CDH11: variants seen among roughly 807,000 people sequenced by gnomAD.
The protein encoded by CDH11 is cadherin 11.
Under a neutral mutation model 67.8 loss-of-function variants are expected in CDH11, and 11 were observed. The ratio of observed to expected loss-of-function variants is 0.16; its 90% CI spans 0.10 to 0.27. The LOEUF (loss-of-function observed/expected upper bound fraction) is 0.27, where lower values mean the gene tolerates loss of function less well. Ranked by LOEUF, CDH11 falls within the 10% of genes least tolerant of loss-of-function variation. The probability of loss-of-function intolerance (pLI) is 1.00; values close to 1 mark genes in which losing one functional copy is unlikely to be tolerated. For missense variants in CDH11, 847 were observed against 1,031.2 expected, an observed-to-expected ratio of 0.82 and a Z score of 2.45; for synonymous variants, 419 against 400.0, an observed-to-expected ratio of 1.05 and a Z score of -0.57.
intron 2 of CDH11, among the ~76,000 whole-genome samples, chr16:65,027,317 G>A (rs556835839): frequency 6.6e-6 from 1 of 152,212 alleles, no homozygotes; most frequent in Non-Finnish European, 1.5e-5. Flanking sequence ...AGCCCAGCTG[G>A]ATGTCTCCCC....
chr16:65,040,710 A>G (rs958787144), intron 2 of CDH11, among the ~76,000 whole-genome samples: 3 of 152,344 alleles, frequency 2.0e-5, no homozygotes, highest in African/African-American at 7.2e-5. Flanking sequence ...GTATAATAAA[A>G]AAATTACTGT....
rs1202628783 is a variant in CDH11 at position 65,062,707 on chromosome 16, A to G, written c.-297-8779T>C. On this transcript the variant is annotated intron_variant, in intron 1 of 12. Transcript: ENST00000268603. ...TAAACTCCACAGGGATAAGAAGCAT[A>G]TATGTTTCCTTGTCCACTTTATAAT... is the stretch of plus-strand genomic sequence containing the variant. Among the ~76,000 whole-genome samples the G allele has an allele frequency of 2.0e-5, 3 of 152,348 alleles. No individual in the cohort carries two copies. The East Asian group carries it at 5.8e-4, about 29-fold the overall frequency.
chr16:65,076,613 T>C (rs576508768), intron 1 of CDH11, among the ~76,000 whole-genome samples: 2 of 152,168 alleles, frequency 1.3e-5, no homozygotes, highest in African/African-American at 4.8e-5. Flanking sequence ...CGTGCCATGG[T>C]GGTTTGCTGC....
At chr16:65,017,392 G>T (rs1248655795) in intron 2 of CDH11, among the ~76,000 whole-genome samples, 2 of 152,156 alleles carry the variant, frequency 1.3e-5, no homozygotes, top group Non-Finnish European at 2.9e-5. Context: ...TAGAAGCAAT[G>T]ATATTCCTGC....
chr16:65,060,884 C>A (rs1161334036), intron 1 of CDH11, among the ~76,000 whole-genome samples: 1 of 152,170 alleles, frequency 6.6e-6, no homozygotes, highest in East Asian at 1.9e-4. Context: ...ATTAACACAG[C>A]TTATGCATCT....
Position 65,082,236 on chromosome 16 carries a change from C to T in CDH11, c.-297-28308G>A, listed in dbSNP as rs574386307. On this transcript the variant is annotated intron_variant, in intron 1 of 12. Transcript: ENST00000268603. ...TCAGGGCTCAGCTGAGCTTGGTCTG[C>T]CCAGGTGTCAAATAGAAAGCTCACA... is the stretch of plus-strand genomic sequence containing the variant. Among the ~76,000 whole-genome samples the T allele has an allele frequency of 2.6e-5, 4 of 152,284 alleles. No homozygotes were observed. The South Asian group carries it at 8.3e-4, about 32-fold the overall frequency.
upstream of CDH11, among the ~76,000 whole-genome samples, chr16:65,122,683 G>A (rs930508164): frequency 1.1e-4 from 17 of 152,020 alleles, no homozygotes; most frequent in Non-Finnish European, 1.8e-4. Flanking sequence ...AACTCTTCTG[G>A]TGGCTCTGGT....
chr16:65,036,876 A>G (rs1338090602), intron 2 of CDH11, among the ~76,000 whole-genome samples: 2 of 152,210 alleles, frequency 1.3e-5, no homozygotes, highest in Non-Finnish European at 2.9e-5. Flanking sequence ...TCTGCCTGAA[A>G]TAACTCAGAA....
chr16:64,962,580 A>G (rs559824461), intron 11 of CDH11, among the ~76,000 whole-genome samples: 60 of 152,254 alleles, frequency 3.9e-4, no homozygotes, highest in African/African-American at 1.2e-3. Flanking sequence ...ACCCCCTACC[A>G]CACACATGCA....
chr16:64,998,675 C>T lies in CDH11; in HGVS notation c.410G>A (p.Arg137Gln), dbSNP rs750090961. The change falls in exon 4 of 13, where the codon CGG becomes CAG. Residue 137 changes from arginine (R) to glutamine (Q), a missense_variant. Transcript: ENST00000268603. ...MAQAVDRDTN[R>Q]PLEPPSEFIV... ...GAATTCCGACGGTGGCTCCAGTGGC[C>T]GATTGGTGTCCCTGTCCACCGCCTG... The T allele has an allele frequency of 1.1e-5, 18 of 1,614,012 alleles. No homozygotes were observed. The highest frequency in any genetic ancestry group is 1.4e-5 in the Non-Finnish European group (17 of 1,180,006).
intron 7 of CDH11, chr16:64,986,047 TA>T (rs1434585750): frequency 6.6e-6 from 1 of 151,976 alleles, no homozygotes; most frequent in Non-Finnish European, 1.5e-5. Flanking sequence ...AGGAAATAAA[TA>T]AAAACACTAA....
At chr16:65,020,331 C>T (rs976464657) in intron 2 of CDH11, among the ~76,000 whole-genome samples, 3 of 152,050 alleles carry the variant, frequency 2.0e-5, no homozygotes, top group African/African-American at 4.8e-5. Context: ...TTTTATTTTA[C>T]CAGAAACTTT....
chr16:65,027,744 T>C (rs1280042800), intron 2 of CDH11, among the ~76,000 whole-genome samples: 1 of 152,210 alleles, frequency 6.6e-6, no homozygotes, highest in East Asian at 1.9e-4. Context: ...TGCTTCTGAA[T>C]ACAACCATGA....
intron 12 of CDH11, among the ~76,000 whole-genome samples, chr16:64,949,227 T>A (rs2071283653): frequency 6.6e-6 from 1 of 152,110 alleles, no homozygotes; most frequent in Admixed American, 6.5e-5. Flanking sequence ...ATTATAATAT[T>A]TATCACATGG....
Position 65,004,782 on chromosome 16 carries a change from GC to G in CDH11, c.87del (p.His30ThrfsTer33). On this transcript the variant is annotated frameshift_variant, in exon 3 of 13. Transcript: ENST00000268603. LOFTEE classifies it high-confidence loss of function. Reference protein sequence around the residue: ...HSHAFAPERRGHLRPSFHGHH... With the variant: ...HSHAFAPERRXHLRPSFHGHH... ...TGCCCATGGAAGGAGGGCCGCAGGT[GC>G]CCCCGCCGCTCTGGGGCAAAGGCAT... 6.4e-7 allele frequency: 1 copy of G among 1,572,508 alleles called. No homozygotes were observed. Among genetic ancestry groups the G allele is most frequent in the Non-Finnish European group, 8.6e-7 (1 of 1,158,108 alleles).
In CDH11 at chr16:65,120,902, T is replaced by C. The variant is rs6498978; in HGVS notation, c.-298+978A>G. Among the ~76,000 whole-genome samples the C allele has an allele frequency of 4.1e-3, 619 of 152,170 alleles. 6 individuals are homozygous for C. The highest frequency in any genetic ancestry group is 0.014 in the African/African-American group (589 of 41,534). On this transcript the variant is annotated intron_variant, in intron 1 of 12. Coordinates refer to ENST00000268603, the MANE Select transcript of CDH11 (RefSeq NM_001797.4). ...GAGGCGGGCCCTCCTACAGTTCCTCTGGGTTGGGGAGGGGGGAGAAGGGAG... is the reference window on the plus strand; with the variant it reads ...GAGGCGGGCCCTCCTACAGTTCCTCCGGGTTGGGGAGGGGGGAGAAGGGAG...
chr16:65,001,622 ATT>A (rs1427098573), intron 3 of CDH11, among the ~76,000 whole-genome samples: 8 of 152,316 alleles, frequency 5.3e-5, no homozygotes, highest in African/African-American at 1.9e-4. Flanking sequence ...AAATGGATCT[ATT>A]TCATGATCAG....
chr16:65,070,806 T>C (rs1229733997), intron 1 of CDH11, among the ~76,000 whole-genome samples: 1 of 152,030 alleles, frequency 6.6e-6, no homozygotes, highest in South Asian at 2.1e-4. Context: ...TAACTAAAAA[T>C]AGGAAAAGGA....
chr16:64,997,679 T>C lies in CDH11; in HGVS notation c.523+883A>G, dbSNP rs138047728. 4.6e-5 allele frequency among the ~76,000 whole-genome samples: 7 copies of C among 152,278 alleles called. No homozygotes were observed. The East Asian group carries it at 1.2e-3, about 25-fold the overall frequency. On this transcript the variant is annotated intron_variant, in intron 4 of 12. Transcript: ENST00000268603. ...GGCTGGCTTTTGATAAGTACTTGAC[T>C]TTTCCTGGTGGAGAAGGAATATACC...
Sources: allele counts gnomAD v4.1 joint callset (sites outside exome capture counted in the v4.1 genomes callset), GRCh38; gene constraint gnomAD v4.1.1; transcripts MANE v1.5; gene names NCBI Gene and HGNC (gene_info 2026-07-23, HGNC 2026-07-21).